Variants in IFT74 observed in about 807,000 individuals in gnomAD.
IFT74 encodes the protein intraflagellar transport protein 74 homolog.
Under a neutral mutation model 96.7 loss-of-function variants are expected in IFT74, and 92 were observed. The observed-to-expected ratio is 0.95, with a 90% confidence interval of 0.80 to 1.13. The LOEUF (loss-of-function observed/expected upper bound fraction) is 1.13. Ranked by LOEUF, IFT74 falls within the 50% of genes most tolerant of loss-of-function variation. IFT74 has a pLI of 0.00. For missense variants in IFT74, 811 were observed against 698.2 expected (o/e 1.16, Z -1.82); for synonymous variants, 223 against 213.2 (o/e 1.05, Z -0.40).
chr9:27,011,851 AC>A, intron 9 of IFT74, 54 bp from the exon 10 acceptor site: 1 of 1,260,326 alleles, frequency 7.9e-7, no homozygotes, highest in Non-Finnish European at 1.1e-6. Flanking sequence ...CCCCACTACA[AC>A]AAATTATTCT....
intron 10 of IFT74, among the ~76,000 whole-genome samples, chr9:27,012,389 A>T (rs1016512147): frequency 1.3e-5 from 2 of 149,614 alleles, no homozygotes; most frequent in African/African-American, 2.5e-5. Flanking sequence ...CACCTGGCTA[A>T]TTTTTTTTTT....
chr9:26,975,192 G>A lies in IFT74; in HGVS notation c.121-2936G>A, dbSNP rs538226392. Among the ~76,000 whole-genome samples the A allele has an allele frequency of 2.6e-5, 4 of 152,264 alleles. No individual in the cohort carries two copies. In the East Asian group the frequency reaches 7.7e-4, roughly 29 times the overall value. ...ACTGAGCAGAGGAAGATGATCCAGA[G>A]GATCCCATGTGTTGGTGGGTGTGGG... On this transcript the variant is annotated intron_variant, in intron 2 of 19. Transcript: ENST00000380062.
intron 12 of IFT74, among the ~76,000 whole-genome samples, chr9:27,027,083 C>G (rs1171522637): frequency 6.6e-6 from 1 of 151,870 alleles, no homozygotes; most frequent in Non-Finnish European, 1.5e-5. Context: ...CAAGATTAAT[C>G]AAGAAAAGAA....
At chr9:26,996,306 A>G (rs755823107) in intron 8 of IFT74, 1 of 1,548,750 alleles carries the variant, frequency 6.5e-7, no homozygotes, top group South Asian at 1.2e-5. Flanking sequence ...GAACCAGTAT[A>G]TTACCTGAAT....
At chr9:27,015,852 A>G (rs930884763) in intron 10 of IFT74, among the ~76,000 whole-genome samples, 5 of 152,228 alleles carry the variant, frequency 3.3e-5, no homozygotes, top group Admixed American at 1.3e-4. Flanking sequence ...TATAAATAAC[A>G]TGTAGTATAG....
intron 1 of IFT74, among the ~76,000 whole-genome samples, chr9:26,948,448 ATTTTTTTTTTTTTTT>A (rs71841244): frequency 0.16 from 9,587 of 59,212 alleles, 1,133 homozygotes; most frequent in East Asian, 0.57. Flanking sequence ...GCTTTCCATT[ATTTTTTTTTTTTTTT>A]TTTTTTTTTT....
intron 12 of IFT74, among the ~76,000 whole-genome samples, chr9:27,024,366 A>T (rs1386633982): frequency 1.3e-5 from 2 of 152,184 alleles, no homozygotes; most frequent in Admixed American, 1.3e-4. Context: ...CCCAAGTACA[A>T]GCCCAGAGCC....
intron 13 of IFT74, chr9:27,036,824 A>C: frequency 9.5e-7 from 1 of 1,052,046 alleles, no homozygotes; most frequent in Non-Finnish European, 1.1e-6. Context: ...TACCAAAGTG[A>C]CACAATAAAA....
At chr9:27,030,773 A>G (rs1428493943) in intron 13 of IFT74, among the ~76,000 whole-genome samples, 3 of 152,184 alleles carry the variant, frequency 2.0e-5, no homozygotes, top group Admixed American at 6.5e-5. Flanking sequence ...CTTAGTTGAA[A>G]TGCCAACAAT....
rs925075353 is a variant in IFT74, at chr9:27,064,762, C to T, written c.*2026C>T. Among the ~76,000 whole-genome samples the T allele has an allele frequency of 6.6e-6, 1 of 151,830 alleles. No individual in the cohort carries two copies. Among genetic ancestry groups the T allele is most frequent in the Admixed American group, 6.6e-5 (1 of 15,238 alleles). On this transcript the variant is annotated 3_prime_UTR_variant, in exon 20 of 20. Coordinates refer to ENST00000380062, the MANE Select transcript of IFT74 (RefSeq NM_025103.4). ...TTCCTTAGGTTTTTTTTTATGATTT[C>T]TACTTAAGTGTTCTTGACATTTTAC...
At chr9:27,018,751 G>T in intron 12 of IFT74, 64 bp downstream of exon 12, 1 of 954,816 alleles carries the variant, frequency 1.0e-6, no homozygotes, top group East Asian at 2.5e-5. Flanking sequence ...CATTCTAAAG[G>T]TACAGGAGTG....
chr9:27,048,112 G>T, intron 15 of IFT74, 36 bp from the exon 16 acceptor site: 1 of 1,468,906 alleles, frequency 6.8e-7, no homozygotes, highest in South Asian at 1.3e-5. Context: ...CTAAATCAGT[G>T]GATTTTTTTC....
At chr9:27,050,380 G>A (rs772362313) in intron 16 of IFT74, among the ~76,000 whole-genome samples, 8 of 152,150 alleles carry the variant, frequency 5.3e-5, no homozygotes, top group Non-Finnish European at 1.2e-4. Flanking sequence ...TACTTAAAAG[G>A]GCTCAAAAAT....
chr9:26,984,722 A>C (rs183823333), intron 6 of IFT74, among the ~76,000 whole-genome samples, 163 bp downstream of exon 6: 2 of 152,332 alleles, frequency 1.3e-5, no homozygotes, highest in East Asian at 3.9e-4. Context: ...ATCACTGATG[A>C]TGATTAGGGA....
chr9:27,056,378 C>G lies in IFT74; in HGVS notation c.1542C>G (p.Ala514=), dbSNP rs1129458. Residue 514 remains alanine, a synonymous_variant, in exon 18 of 20, where the codon GCC becomes GCG. Coordinates refer to ENST00000380062, the MANE Select transcript of IFT74 (RefSeq NM_025103.4). ...TGATATTATCAACCCACAGAAATGC[C>G]TTTAAGAAAATAATGGAGAAGCAAA... ...ERMILSTHRN[A]FKKIMEKQNI... is the part of the protein sequence containing the mutation. 10 of 1,595,542 alleles carry G rather than the reference C, an allele frequency of 6.3e-6. No individual in the cohort carries two copies.
intron 2 of IFT74, among the ~76,000 whole-genome samples, chr9:26,972,754 A>G (rs1345146623): frequency 1.3e-5 from 2 of 152,140 alleles, no homozygotes; most frequent in East Asian, 3.9e-4. Context: ...AATTCACTCA[A>G]TCCATTCGGG....
intron 18 of IFT74, among the ~76,000 whole-genome samples, chr9:27,059,529 T>C (rs1820319562): frequency 6.6e-6 from 1 of 152,180 alleles, no homozygotes; most frequent in Non-Finnish European, 1.5e-5. Context: ...GACAAAAAAG[T>C]CTGGTACTTG....
intron 8 of IFT74, chr9:26,997,595 T>A (rs1828232834): frequency 1.5e-5 from 14 of 932,924 alleles, no homozygotes; most frequent in Non-Finnish European, 1.9e-5. Flanking sequence ...TGGCCTCCCA[T>A]AGTGATGGGA....
intron 2 of IFT74, among the ~76,000 whole-genome samples, chr9:26,976,237 G>A (rs1827121245): frequency 6.6e-6 from 1 of 152,168 alleles, no homozygotes; most frequent in African/African-American, 2.4e-5. Context: ...ACCTCTTCTT[G>A]AAGGAGAATG....
Sources: gnomAD v4.1 joint callset for allele counts (sites outside exome capture counted in the v4.1 genomes callset) on GRCh38, gnomAD v4.1.1 for gene constraint, MANE v1.5 for transcripts, NCBI Gene and HGNC (gene_info 2026-07-23, HGNC 2026-07-21) for gene names.